The following CLEC2D variants were observed in gnomAD, a reference collection of about 807,000 sequenced individuals.
CLEC2D encodes the protein C-type lectin domain family 2 member D, also known as C-type lectin related f.
CLEC2D carries 16 observed loss-of-function variants against 20.0 expected under a neutral mutation model. The ratio of observed to expected loss-of-function variants is 0.80; its 90% CI spans 0.54 to 1.22. The LOEUF (loss-of-function observed/expected upper bound fraction) is 1.22. CLEC2D is among the 50% of genes most tolerant of loss of function. The pLI is 0.00. For missense variants in CLEC2D, 207 were observed against 221.5 expected (o/e 0.93, Z 0.42); for synonymous variants, 77 against 71.1 (o/e 1.08, Z -0.42).
At chr12:9,680,446 A>G (rs1441370105) in intron 1 of CLEC2D, among the ~76,000 whole-genome samples, 3 of 152,130 alleles carry the variant, frequency 2.0e-5, no homozygotes, top group South Asian at 2.1e-4. Flanking sequence ...TCACTCTCCT[A>G]TCCTTCCAAG....
intron 1 of CLEC2D, among the ~76,000 whole-genome samples, chr12:9,676,000 A>G (rs1865514632): frequency 6.6e-6 from 1 of 152,222 alleles, no homozygotes; most frequent in Non-Finnish European, 1.5e-5. Context: ...CTGCAACCTT[A>G]CATATCAGTA....
Position 9,675,387 on chromosome 12 carries a change from G to A in CLEC2D, c.62-5536G>A, listed in dbSNP as rs753042671. On this transcript the variant is annotated intron_variant, in intron 1 of 4. Transcript: ENST00000290855. ...ATTTTTGTATTTTTAGTAGAGACGG[G>A]GTTTCACCGTGTTAGCCAGGATGGT... 2.0e-5 allele frequency among the ~76,000 whole-genome samples: 3 copies of A among 151,962 alleles called. No individual in the cohort carries two copies. The East Asian group carries it at 5.8e-4, about 29-fold the overall frequency.
intron 2 of CLEC2D, among the ~76,000 whole-genome samples, chr12:9,687,478 C>T (rs1865773469): frequency 6.6e-6 from 1 of 152,206 alleles, no homozygotes. Flanking sequence ...AGCCTGCTTC[C>T]TGACTCATCC....
chr12:9,682,707 T>C (rs1865660770), intron 2 of CLEC2D, among the ~76,000 whole-genome samples: 1 of 152,268 alleles, frequency 6.6e-6, no homozygotes, highest in Non-Finnish European at 1.5e-5. Context: ...CTCATTCTTC[T>C]TTATGGCTGT....
intron 1 of CLEC2D, among the ~76,000 whole-genome samples, chr12:9,674,607 T>C (rs764483873): frequency 6.6e-6 from 1 of 152,372 alleles, no homozygotes; most frequent in Admixed American, 6.5e-5. Context: ...AGCATTTCGC[T>C]TTCTTACCAG....
At chr12:9,684,393 C>T (rs1428055413) in intron 2 of CLEC2D, among the ~76,000 whole-genome samples, 1 of 152,090 alleles carries the variant, frequency 6.6e-6, no homozygotes, top group Non-Finnish European at 1.5e-5. Flanking sequence ...ACCTGATTGC[C>T]CTGACTAGAA....
At chr12:9,688,432 A>G (rs932566808) in intron 3 of CLEC2D, among the ~76,000 whole-genome samples, 3 of 152,164 alleles carry the variant, frequency 2.0e-5, no homozygotes, top group Non-Finnish European at 2.9e-5. Context: ...AATAAATCAA[A>G]CAAGGCCAAG....
intron 1 of CLEC2D, among the ~76,000 whole-genome samples, chr12:9,670,577 G>A (rs1865397556): frequency 6.6e-6 from 1 of 152,088 alleles, no homozygotes; most frequent in Non-Finnish European, 1.5e-5. Context: ...TGTCCTCCTT[G>A]GCTTGTGTTT....
At chr12:9,681,673 T>C (rs182686602) in intron 2 of CLEC2D, among the ~76,000 whole-genome samples, 41 of 152,340 alleles carry the variant, frequency 2.7e-4, no homozygotes, top group Middle Eastern at 3.4e-3. Context: ...CATGCCAATC[T>C]GGATATCAAC....
At chr12:9,680,257 T>C (rs768317132) in intron 1 of CLEC2D, 29 of 304,904 alleles carry the variant, frequency 9.5e-5, no homozygotes, top group African/African-American at 5.6e-4. Context: ...TTATTGTAAG[T>C]TTCCTGAGGC....
chr12:9,671,348 G>A (rs1865418629), intron 1 of CLEC2D, among the ~76,000 whole-genome samples: 1 of 152,184 alleles, frequency 6.6e-6, no homozygotes, highest in Non-Finnish European at 1.5e-5. Context: ...AGCCTCCTGA[G>A]TAGCTGGGAC....
Position 9,695,393 on chromosome 12 carries a change from T to G in CLEC2D, c.*519T>G. On this transcript the variant is annotated 3_prime_UTR_variant, in exon 5 of 5. Coordinates refer to ENST00000290855, the MANE Select transcript of CLEC2D (RefSeq NM_013269.6). The stretch of plus-strand genomic sequence containing the variant: ...TGTGTGTCGCCACCCGATGGAAGAT[T>G]CGATGGACATGGACATGAGCCCCCT... 6.8e-7 allele frequency: 1 copy of G among 1,478,082 alleles called. No homozygotes were observed. Among genetic ancestry groups the G allele is most frequent in the Non-Finnish European group, 9.3e-7 (1 of 1,072,970 alleles). The allele number at this position is 1,478,082 out of a possible 1,614,324, so 91.6% of individuals were successfully genotyped here.
At chr12:9,691,419 A>G (rs1865860154) in intron 3 of CLEC2D, among the ~76,000 whole-genome samples, 1 of 152,212 alleles carries the variant, frequency 6.6e-6, no homozygotes, top group Non-Finnish European at 1.5e-5. Flanking sequence ...ATTATCCCTA[A>G]CAGGCATATA....
At chr12:9,688,192 T>A (rs1032202366) in intron 3 of CLEC2D, 106 bp downstream of exon 3, 37 of 414,880 alleles carry the variant, frequency 8.9e-5, no homozygotes, top group East Asian at 1.4e-4. Flanking sequence ...TTACATTGAT[T>A]TTTTTTTTTT....
intron 3 of CLEC2D, among the ~76,000 whole-genome samples, chr12:9,692,562 AATAG>A (rs1433070554): frequency 2.0e-5 from 3 of 152,196 alleles, no homozygotes; most frequent in African/African-American, 7.2e-5. Flanking sequence ...CCGATAGTAT[AATAG>A]ATAAATTGGA....
chr12:9,695,078 C>T lies in CLEC2D; in HGVS notation c.*204C>T, dbSNP rs1865951006. 1.7e-6 allele frequency: 1 copy of T among 581,246 alleles called. No individual in the cohort carries two copies. Among genetic ancestry groups the T allele is most frequent in the South Asian group, 2.1e-5 (1 of 48,528 alleles). The allele number at this position is 581,246 out of a possible 1,614,324, so 36.0% of individuals were successfully genotyped here. ...GCTAATATTACCTGTTCTCCCACTG[C>T]TAATGACATACCCGAGACTGAGTAA... On this transcript the variant is annotated 3_prime_UTR_variant, in exon 5 of 5. Transcript: ENST00000290855.
chr12:9,670,547 T>C (rs1210950441), intron 1 of CLEC2D, among the ~76,000 whole-genome samples: 1 of 152,246 alleles, frequency 6.6e-6, no homozygotes, highest in African/African-American at 2.4e-5. Flanking sequence ...GTTTGTCGGA[T>C]AGTTCCAACA....
At chr12:9,673,971 C>T (rs2120893639) in intron 1 of CLEC2D, 1 of 152,758 alleles carries the variant, frequency 6.5e-6, no homozygotes, top group East Asian at 1.9e-4. Flanking sequence ...CTCCAGACTA[C>T]TCTGCTGGCA....
intron 1 of CLEC2D, among the ~76,000 whole-genome samples, chr12:9,671,550 T>C (rs1174726067): frequency 6.6e-6 from 1 of 152,246 alleles, no homozygotes; most frequent in African/African-American, 2.4e-5. Flanking sequence ...GTTTTGGCTA[T>C]TGCATGTTGC....
Sources: allele counts gnomAD v4.1 joint callset (sites outside exome capture counted in the v4.1 genomes callset), GRCh38; gene constraint gnomAD v4.1.1; transcripts MANE v1.5; gene names NCBI Gene and HGNC (gene_info 2026-07-23, HGNC 2026-07-21).